VAV3: variants seen among roughly 807,000 people sequenced by gnomAD.
The protein encoded by VAV3 is guanine nucleotide exchange factor VAV3.
In VAV3, 94 loss-of-function variants were observed where a neutral mutation model predicts 131.2. The observed-to-expected ratio is 0.72, with a 90% CI of 0.61 to 0.85. The LOEUF (loss-of-function observed/expected upper bound fraction) is 0.85, where lower values mean the gene tolerates loss of function less well. VAV3 is among the 40% of genes least tolerant of loss of function. The probability of loss-of-function intolerance (pLI) is 0.00; values close to 1 mark genes in which losing one functional copy is unlikely to be tolerated. For missense variants in VAV3, 939 were observed against 1,002.7 expected (o/e 0.94, Z 0.86); for synonymous variants, 349 against 342.0 (o/e 1.02, Z -0.22).
At chr1:107,659,583 G>A (rs1271648232) in intron 19 of VAV3, among the ~76,000 whole-genome samples, 1 of 152,082 alleles carries the variant, frequency 6.6e-6, no homozygotes, top group Non-Finnish European at 1.5e-5. Context: ...TATATATGTA[G>A]ATAAACATAA....
At chr1:107,777,387 G>T in intron 3 of VAV3, 91 bp from the exon 4 acceptor site, 1 of 1,179,170 alleles carries the variant, frequency 8.5e-7, no homozygotes. Context: ...CACTAAATAT[G>T]TAAGTTGTCT....
chr1:107,943,925 C>T (rs1348854478), intron 1 of VAV3, among the ~76,000 whole-genome samples: 1 of 152,230 alleles, frequency 6.6e-6, no homozygotes, highest in Non-Finnish European at 1.5e-5. Context: ...ACCCAAAAAG[C>T]CCACCCACAA....
chr1:107,622,900 G>GC (rs1557710955), intron 20 of VAV3, among the ~76,000 whole-genome samples: 1 of 152,176 alleles, frequency 6.6e-6, no homozygotes, highest in East Asian at 1.9e-4. Context: ...TGGGCAGATG[G>GC]AAGGAAGGAA....
chr1:107,679,713 C>A (rs11811342), intron 19 of VAV3, among the ~76,000 whole-genome samples: 14,647 of 152,136 alleles, frequency 0.096, 902 homozygotes, highest in South Asian at 0.17. Context: ...ACCTTGAGTG[C>A]CACTTTAGGT....
rs1344593076 is a variant in VAV3, at chr1:107,596,353, A to G, written c.2221-12T>C. 1 of 1,610,086 alleles carries G rather than the reference A, an allele frequency of 6.2e-7. No individual in the cohort carries two copies. The highest frequency in any genetic ancestry group is 8.5e-7 in the Non-Finnish European group (1 of 1,178,262). ...TACTCCACAAGTTCCTTTGGAAAAA[A>G]GAATCCAACATATTTTTGATAAGGA... On this transcript the variant is annotated splice_polypyrimidine_tract_variant and intron_variant, in intron 24 of 26. Coordinates refer to ENST00000370056, the MANE Select transcript of VAV3 (RefSeq NM_006113.5).
At chr1:107,683,568 T>A in intron 18 of VAV3, 35 bp from the exon 19 acceptor site, 1 of 1,610,882 alleles carries the variant, frequency 6.2e-7, no homozygotes, top group African/African-American at 1.3e-5. Flanking sequence ...AAAACAAATA[T>A]GTGTTGGTAA....
At chr1:107,733,736 C>T (rs1662408106) in intron 15 of VAV3, among the ~76,000 whole-genome samples, 1 of 152,016 alleles carries the variant, frequency 6.6e-6, no homozygotes, top group South Asian at 2.1e-4. Flanking sequence ...AAATATGGGA[C>T]TATGTGAAAA....
chr1:107,954,525 C>T (rs1375999950), intron 1 of VAV3, among the ~76,000 whole-genome samples: 2 of 133,810 alleles, frequency 1.5e-5, no homozygotes, highest in Non-Finnish European at 3.1e-5. Flanking sequence ...ATTCAGTATC[C>T]TGAGGCAAAT....
At chr1:107,812,666 C>A (rs144218854) in intron 2 of VAV3, among the ~76,000 whole-genome samples, 24 of 152,260 alleles carry the variant, frequency 1.6e-4, no homozygotes, top group African/African-American at 5.3e-4. Flanking sequence ...TACTAGAAAT[C>A]TACATCCAAG....
chr1:107,896,031 T>C (rs531378901), intron 1 of VAV3, among the ~76,000 whole-genome samples: 4 of 152,198 alleles, frequency 2.6e-5, no homozygotes, highest in African/African-American at 9.6e-5. Context: ...AGGAAGTAAC[T>C]CTCCGTGCCA....
intron 24 of VAV3, among the ~76,000 whole-genome samples, chr1:107,598,214 G>C (rs989526558): frequency 1.4e-4 from 22 of 152,146 alleles, no homozygotes; most frequent in African/African-American, 3.6e-4. Context: ...AAGTTAGCCA[G>C]GTGTGGTGGC....
chr1:107,578,303 G>A (rs909080181), intron 25 of VAV3, among the ~76,000 whole-genome samples: 5 of 152,104 alleles, frequency 3.3e-5, no homozygotes, highest in Non-Finnish European at 7.4e-5. Flanking sequence ...TGCACATTCT[G>A]CAGTACATTT....
intron 20 of VAV3, among the ~76,000 whole-genome samples, chr1:107,635,973 T>C (rs939560822): frequency 2.0e-4 from 30 of 152,342 alleles, no homozygotes; most frequent in African/African-American, 7.0e-4. Flanking sequence ...GTAATTCATT[T>C]TATAGAATTT....
intron 2 of VAV3, among the ~76,000 whole-genome samples, chr1:107,822,669 T>C (rs200668570): frequency 8.9e-6 from 1 of 112,976 alleles, no homozygotes; most frequent in African/African-American, 3.6e-5. Context: ...AATAAATAAA[T>C]AAATAAATAA....
In VAV3 at chr1:107,890,726, C is replaced by T. The variant is rs12096071; in HGVS notation, c.205-15709G>A. 4.1e-3 allele frequency among the ~76,000 whole-genome samples: 625 copies of T among 152,138 alleles called. 5 individuals are homozygous for T. The highest frequency in any genetic ancestry group is 0.014 in the African/African-American group (587 of 41,510). On this transcript the variant is annotated intron_variant, in intron 1 of 26. Transcript: ENST00000370056. Reference sequence around the variant, plus strand: ...ATTTCAATGAATTAAATGTTTTATCCTTCTTTACCCCCAACTCTAGTAAAT... The same window carrying T: ...ATTTCAATGAATTAAATGTTTTATCTTTCTTTACCCCCAACTCTAGTAAAT...
intron 2 of VAV3, among the ~76,000 whole-genome samples, chr1:107,863,205 C>T (rs566217204): frequency 3.9e-5 from 6 of 152,254 alleles, no homozygotes; most frequent in African/African-American, 1.4e-4. Flanking sequence ...GCTCACTATT[C>T]TCTCTTCTCA....
At chr1:107,787,002 C>T (rs1029636188) in intron 2 of VAV3, among the ~76,000 whole-genome samples, 26 of 152,114 alleles carry the variant, frequency 1.7e-4, no homozygotes, top group Admixed American at 1.5e-3. Context: ...TACACACATA[C>T]ACACACAAAA....
intron 2 of VAV3, among the ~76,000 whole-genome samples, chr1:107,838,282 A>G (rs1261468604): frequency 6.6e-6 from 1 of 152,210 alleles, no homozygotes; most frequent in Non-Finnish European, 1.5e-5. Context: ...AACTCCATTG[A>G]AAAGTGAGCA....
intron 19 of VAV3, among the ~76,000 whole-genome samples, chr1:107,673,321 C>A (rs1657957751): frequency 6.6e-6 from 1 of 152,158 alleles, no homozygotes; most frequent in Admixed American, 6.5e-5. Flanking sequence ...GTGCATCAAC[C>A]AAGATCCTGC....
Sources: allele counts gnomAD v4.1 joint callset (sites outside exome capture counted in the v4.1 genomes callset), GRCh38; gene constraint gnomAD v4.1.1; transcripts MANE v1.5; gene names NCBI Gene and HGNC (gene_info 2026-07-23, HGNC 2026-07-21).